The following FMNL2 variants were observed in gnomAD, a reference collection of about 807,000 sequenced individuals.
FMNL2 encodes formin-like protein 2.
A neutral mutation model predicts 130.2 loss-of-function variants in FMNL2; 51 were observed. That is an observed-to-expected ratio of 0.39 (90% CI 0.31 to 0.49). The LOEUF (loss-of-function observed/expected upper bound fraction) is 0.49, where lower values mean the gene tolerates loss of function less well. FMNL2 is among the 20% of genes least tolerant of loss of function. The probability of loss-of-function intolerance (pLI) is 0.85; values close to 1 mark genes in which losing one functional copy is unlikely to be tolerated. For missense variants in FMNL2, 977 were observed against 1,316.2 expected, an observed-to-expected ratio of 0.74 and a Z score of 3.99; for synonymous variants, 465 against 467.1, an observed-to-expected ratio of 1.00 and a Z score of 0.06.
intron 1 of FMNL2, among the ~76,000 whole-genome samples, chr2:152,336,123 A>T (rs1307697268): frequency 1.4e-5 from 2 of 142,452 alleles, no homozygotes; most frequent in African/African-American, 5.3e-5. Context: ...AAAACAAAAC[A>T]CCCTGAGCCC....
chr2:152,385,766 T>A (rs1245516152), intron 1 of FMNL2, among the ~76,000 whole-genome samples: 2 of 152,250 alleles, frequency 1.3e-5, no homozygotes, highest in African/African-American at 2.4e-5. Flanking sequence ...GGTTTGTTCA[T>A]GAAGTTTTTA....
At chr2:152,563,720 T>A (rs565778415) in intron 6 of FMNL2, among the ~76,000 whole-genome samples, 1 of 152,280 alleles carries the variant, frequency 6.6e-6, no homozygotes, top group East Asian at 1.9e-4. Flanking sequence ...GCCATCTCAT[T>A]TCTGATTGTC....
chr2:152,430,610 C>T (rs1359564777), intron 1 of FMNL2, among the ~76,000 whole-genome samples: 2 of 152,210 alleles, frequency 1.3e-5, no homozygotes, highest in African/African-American at 2.4e-5. Flanking sequence ...CGGTGGCTCA[C>T]GCCTGTAATC....
intron 4 of FMNL2, among the ~76,000 whole-genome samples, chr2:152,554,006 ATT>A (rs1318436414): frequency 1.3e-5 from 2 of 152,176 alleles, no homozygotes; most frequent in Admixed American, 1.3e-4. Context: ...TAATTGGGAT[ATT>A]CTTTTTTTAG....
chr2:152,589,987 A>ATATGTATTTATATGTATATG (rs70974871), intron 9 of FMNL2, among the ~76,000 whole-genome samples: 1 of 55,254 alleles, frequency 1.8e-5, no homozygotes. Flanking sequence ...ATATATATGT[A>ATATGTATTTATATGTATATG]TATGTATATG....
chr2:152,589,698 A>G (rs1697278421), intron 9 of FMNL2, among the ~76,000 whole-genome samples: 1 of 152,046 alleles, frequency 6.6e-6, no homozygotes, highest in South Asian at 2.1e-4. Flanking sequence ...AATATCACCA[A>G]CTCTAAAAAG....
chr2:152,355,519 C>T (rs1408803505), intron 1 of FMNL2, among the ~76,000 whole-genome samples: 1 of 152,134 alleles, frequency 6.6e-6, no homozygotes, highest in Non-Finnish European at 1.5e-5. Context: ...ACTAAGCTTG[C>T]TTTTGGGTGG....
intron 15 of FMNL2, among the ~76,000 whole-genome samples, chr2:152,621,959 G>A (rs1412521572): frequency 6.6e-6 from 1 of 152,174 alleles, no homozygotes; most frequent in African/African-American, 2.4e-5. Flanking sequence ...GGGCAGGTGT[G>A]TTCTTGGAGA....
At chr2:152,615,737 T>G (rs1023798211) in intron 12 of FMNL2, among the ~76,000 whole-genome samples, 2 of 152,222 alleles carry the variant, frequency 1.3e-5, no homozygotes, top group Admixed American at 6.5e-5. Context: ...AAGACCAAAT[T>G]CTTTTGGTGA....
intron 1 of FMNL2, among the ~76,000 whole-genome samples, chr2:152,481,005 G>A (rs1267357872): frequency 1.3e-5 from 2 of 152,174 alleles, no homozygotes; most frequent in Non-Finnish European, 2.9e-5. Context: ...AGATATGTCT[G>A]TATATATACA....
chr2:152,535,867 C>T (rs759525491), intron 2 of FMNL2, among the ~76,000 whole-genome samples: 7 of 152,210 alleles, frequency 4.6e-5, no homozygotes, highest in African/African-American at 1.7e-4. Flanking sequence ...ATTGTCCTCT[C>T]CTATCTCACC....
chr2:152,417,325 C>T (rs915178410), intron 1 of FMNL2, among the ~76,000 whole-genome samples: 6 of 152,124 alleles, frequency 3.9e-5, no homozygotes, highest in African/African-American at 1.2e-4. Flanking sequence ...CAAAACTTCA[C>T]GGTTCTGGTT....
intron 2 of FMNL2, among the ~76,000 whole-genome samples, chr2:152,530,017 G>A (rs1198934103): frequency 6.6e-6 from 1 of 152,116 alleles, no homozygotes; most frequent in African/African-American, 2.4e-5. Context: ...ATATCACAGT[G>A]CCTGCCTTCC....
intron 1 of FMNL2, among the ~76,000 whole-genome samples, chr2:152,496,331 A>G (rs1261481330): frequency 6.6e-6 from 1 of 152,160 alleles, no homozygotes; most frequent in Non-Finnish European, 1.5e-5. Context: ...ATTTTTGGCA[A>G]GAATATCGTG....
chr2:152,647,917 G>A lies in FMNL2; in HGVS notation c.*12G>A, dbSNP rs1272951224. 3 of 1,605,100 alleles carry A rather than the reference G, an allele frequency of 1.9e-6. No individual in the cohort carries two copies. Among genetic ancestry groups the A allele is most frequent in the Non-Finnish European group, 2.6e-6 (3 of 1,174,542 alleles). ...AAATAACAATGTGAACCTGAGACTG[G>A]CCTGCATGAATACAGGGTGTGCGTG... On this transcript the variant is annotated 3_prime_UTR_variant, in exon 26 of 26. Coordinates refer to ENST00000288670, the MANE Select transcript of FMNL2 (RefSeq NM_052905.4).
intron 2 of FMNL2, among the ~76,000 whole-genome samples, chr2:152,523,119 A>G (rs1056228730): frequency 3.3e-5 from 5 of 152,236 alleles, no homozygotes; most frequent in Non-Finnish European, 7.3e-5. Context: ...TTTAGGATAC[A>G]TGTTAACAGG....
chr2:152,499,049 G>T (rs1010189174), intron 1 of FMNL2, among the ~76,000 whole-genome samples: 1 of 152,142 alleles, frequency 6.6e-6, no homozygotes, highest in Non-Finnish European at 1.5e-5. Flanking sequence ...GGATGGGAGG[G>T]GTCAATGGCA....
chr2:152,341,643 T>C (rs1429142554), intron 1 of FMNL2, among the ~76,000 whole-genome samples: 1 of 152,188 alleles, frequency 6.6e-6, no homozygotes, highest in Non-Finnish European at 1.5e-5. Context: ...ATTGTTAACA[T>C]AGTCGTGAGA....
intron 2 of FMNL2, among the ~76,000 whole-genome samples, chr2:152,530,238 A>G (rs1311066599): frequency 6.6e-6 from 1 of 152,216 alleles, no homozygotes; most frequent in African/African-American, 2.4e-5. Context: ...ATGATTTATT[A>G]AGGCAGGTTA....
Sources: allele counts gnomAD v4.1 joint callset (sites outside exome capture counted in the v4.1 genomes callset), GRCh38; gene constraint gnomAD v4.1.1; transcripts MANE v1.5; gene names NCBI Gene and HGNC (gene_info 2026-07-23, HGNC 2026-07-21).